The following ZBTB40 variants were observed in gnomAD, a reference collection of about 807,000 sequenced individuals.
ZBTB40 encodes zinc finger and BTB domain-containing protein 40.
A neutral mutation model predicts 117.5 loss-of-function variants in ZBTB40; 60 were observed. The observed-to-expected ratio is 0.51, with a 90% CI of 0.41 to 0.63. The LOEUF (loss-of-function observed/expected upper bound fraction) is 0.63, where lower values mean the gene tolerates loss of function less well. Ranked by LOEUF, ZBTB40 falls within the 30% of genes least tolerant of loss-of-function variation. The pLI, the probability that ZBTB40 is intolerant of heterozygous loss-of-function variation, is 0.00. For missense variants in ZBTB40, 1,287 were observed against 1,498.5 expected (o/e 0.86, Z 2.33); for synonymous variants, 525 against 577.1 (o/e 0.91, Z 1.29).
chr1:22,444,108 G>C (rs1244267823), intron 1 of ZBTB40, among the ~76,000 whole-genome samples: 1 of 152,106 alleles, frequency 6.6e-6, no homozygotes, highest in African/African-American at 2.4e-5. Context: ...TTGTTACACT[G>C]TCTCTCTAAA....
chr1:22,433,830 T>A (rs7532596), intron 1 of ZBTB40, among the ~76,000 whole-genome samples: 103,508 of 151,212 alleles, frequency 0.68, 39,047 homozygotes, highest in East Asian at 0.92. Flanking sequence ...TTAAACTGCA[T>A]AATATGCCAT....
intron 13 of ZBTB40, among the ~76,000 whole-genome samples, chr1:22,518,122 G>T (rs370199810): frequency 6.6e-6 from 1 of 152,302 alleles, no homozygotes; most frequent in African/African-American, 2.4e-5. Context: ...CACCAGCGTG[G>T]CATTTGGCTG....
At chr1:22,505,306 TTAAAATATCTG>T (rs1230322566) in intron 5 of ZBTB40, among the ~76,000 whole-genome samples, 1 of 152,226 alleles carries the variant, frequency 6.6e-6, no homozygotes, top group Non-Finnish European at 1.5e-5. Flanking sequence ...TATTGTAATA[TTAAAATATCTG>T]TAAAATATCT....
At chr1:22,458,316 C>G (rs1222534309) in intron 1 of ZBTB40, among the ~76,000 whole-genome samples, 1 of 152,220 alleles carries the variant, frequency 6.6e-6, no homozygotes, top group African/African-American at 2.4e-5. Flanking sequence ...CCAGCAAGTG[C>G]TACCCTCCAA....
intron 3 of ZBTB40, among the ~76,000 whole-genome samples, chr1:22,492,838 T>G (rs1638670220): frequency 6.6e-6 from 1 of 152,230 alleles, no homozygotes; most frequent in South Asian, 2.1e-4. Context: ...TGAAGGACAT[T>G]ATGGTTTTAT....
At chr1:22,517,000 A>G (rs191026382) in intron 12 of ZBTB40, among the ~76,000 whole-genome samples, 1 of 152,260 alleles carries the variant, frequency 6.6e-6, no homozygotes, top group African/African-American at 2.4e-5. Flanking sequence ...TTGCGGGAGT[A>G]GAGTGCGCTC....
chr1:22,439,052 G>C (rs1034601944), intron 1 of ZBTB40, among the ~76,000 whole-genome samples: 1 of 152,052 alleles, frequency 6.6e-6, no homozygotes, highest in Non-Finnish European at 1.5e-5. Flanking sequence ...ATTTTTAGTA[G>C]AGACAGGGTT....
intron 17 of ZBTB40, 115 bp downstream of exon 17, chr1:22,524,559 C>G: frequency 1.7e-6 from 2 of 1,179,186 alleles, no homozygotes; most frequent in South Asian, 1.4e-5. Context: ...TGTAGAGAGT[C>G]TCTCTGGACT....
intron 1 of ZBTB40, among the ~76,000 whole-genome samples, chr1:22,486,140 G>T (rs1164773819): frequency 1.3e-5 from 2 of 152,178 alleles, no homozygotes; most frequent in Admixed American, 6.6e-5. Context: ...TTGTTGAAAG[G>T]TGGACATGAT....
intron 3 of ZBTB40, among the ~76,000 whole-genome samples, chr1:22,500,675 G>C (rs1013689010): frequency 6.6e-6 from 1 of 152,176 alleles, no homozygotes; most frequent in Non-Finnish European, 1.5e-5. Context: ...CAAAGCCAGA[G>C]GCAAGGCTTG....
chr1:22,435,043 T>C (rs1163135743), intron 1 of ZBTB40, among the ~76,000 whole-genome samples: 1 of 151,398 alleles, frequency 6.6e-6, no homozygotes, highest in Non-Finnish European at 1.5e-5. Flanking sequence ...TTAGACAGCA[T>C]CTCACTCTGT....
chr1:22,518,400 C>A (rs903245511), intron 13 of ZBTB40, among the ~76,000 whole-genome samples: 3 of 152,192 alleles, frequency 2.0e-5, no homozygotes, highest in Non-Finnish European at 4.4e-5. Context: ...TAAAGCATGA[C>A]ACTCCACGCC....
chr1:22,491,350 T>G (rs767683279), intron 2 of ZBTB40, 50 bp from the exon 3 acceptor site: 8 of 1,606,560 alleles, frequency 5.0e-6, no homozygotes, highest in Non-Finnish European at 6.0e-6. Flanking sequence ...TTGTAAAAAT[T>G]TATTTCAAGT....
chr1:22,490,362 A>C lies in ZBTB40; in HGVS notation c.414A>C (p.Arg138Ser). The change falls in exon 2 of 18, where the codon AGA becomes AGC. Residue 138 changes from arginine (R) to serine (S), a missense_variant. Physicochemically the swap from Arg to Ser is moderately radical, Grantham distance 110. Around this residue, in one of 2 missense-constraint regions of ZBTB40, gnomAD observed 870 missense variants for 934.4 expected, o/e 0.93. Transcript: ENST00000375647. ...CTGCGCCATCCTCAGAGACATTCAG[A>C]AAGGAACCAGAGAAGCCTCAAGTAG... ...DVSAPSSETF[R>S]KEPEKPQVEI... is the part of the protein sequence containing the mutation. 2 of 1,614,130 alleles carry C rather than the reference A, an allele frequency of 1.2e-6. No individual in the cohort carries two copies. The highest frequency in any genetic ancestry group is 1.7e-6 in the Non-Finnish European group (2 of 1,179,988).
chr1:22,495,956 A>G (rs1385244554), intron 3 of ZBTB40, among the ~76,000 whole-genome samples: 2 of 152,208 alleles, frequency 1.3e-5, no homozygotes, highest in African/African-American at 4.8e-5. Flanking sequence ...AAACAAACAA[A>G]TAAAGGCAAG....
intron 1 of ZBTB40, among the ~76,000 whole-genome samples, chr1:22,429,318 T>C (rs1323207742): frequency 6.6e-6 from 1 of 152,024 alleles, no homozygotes; most frequent in Non-Finnish European, 1.5e-5. Flanking sequence ...AAGGCGGAGC[T>C]TGCAGTGAGC....
At chr1:22,431,991 A>T (rs916729191) in intron 1 of ZBTB40, among the ~76,000 whole-genome samples, 2 of 152,216 alleles carry the variant, frequency 1.3e-5, no homozygotes, top group African/African-American at 4.8e-5. Context: ...TAAAAAAAAA[A>T]ATATATTGAA....
intron 1 of ZBTB40, among the ~76,000 whole-genome samples, chr1:22,478,448 C>G (rs1229173507): frequency 1.3e-5 from 2 of 151,998 alleles, no homozygotes; most frequent in Non-Finnish European, 2.9e-5. Flanking sequence ...GGGGTTTCAC[C>G]GTGTTAGCCA....
At chr1:22,444,601 T>C (rs1361215724) in intron 1 of ZBTB40, among the ~76,000 whole-genome samples, 1 of 152,082 alleles carries the variant, frequency 6.6e-6, no homozygotes, top group Admixed American at 6.6e-5. Context: ...GATGACCTTC[T>C]AGGAACACTT....
Sources: allele counts gnomAD v4.1 joint callset (sites outside exome capture counted in the v4.1 genomes callset), GRCh38; gene constraint gnomAD v4.1.1; regional missense constraint gnomAD v4.1.1; transcripts MANE v1.5; gene names NCBI Gene and HGNC (gene_info 2026-07-23, HGNC 2026-07-21).